The following CEP83 variants were observed in gnomAD, a reference collection of about 807,000 sequenced individuals.
CEP83 encodes centrosomal protein of 83 kDa.
Under a neutral mutation model 101.9 loss-of-function variants are expected in CEP83, and 70 were observed. The observed-to-expected ratio is 0.69, with a 90% CI of 0.57 to 0.84. The LOEUF (loss-of-function observed/expected upper bound fraction) is 0.84. Ranked by LOEUF, CEP83 falls within the 40% of genes least tolerant of loss-of-function variation. CEP83 has a pLI of 0.00. For synonymous variants in CEP83, 264 were observed against 267.9 expected, an observed-to-expected ratio of 0.99 and a Z score of 0.14; for missense variants, 715 against 787.2, an observed-to-expected ratio of 0.91 and a Z score of 1.10.
intron 2 of CEP83, among the ~76,000 whole-genome samples, chr12:94,427,456 A>G (rs925967437): frequency 1.3e-5 from 2 of 152,212 alleles, no homozygotes; most frequent in African/African-American, 4.8e-5. Flanking sequence ...TTACAAATAC[A>G]TAATCACATC....
chr12:94,452,585 A>G (rs2067338841), intron 1 of CEP83, among the ~76,000 whole-genome samples: 1 of 152,178 alleles, frequency 6.6e-6, no homozygotes. Flanking sequence ...TAAAAAAGAA[A>G]AAGAAAAAAG....
At chr12:94,401,484 C>T (rs927145039) in intron 5 of CEP83, among the ~76,000 whole-genome samples, 5 of 152,208 alleles carry the variant, frequency 3.3e-5, no homozygotes, top group Admixed American at 6.5e-5. Flanking sequence ...AGCATCATCT[C>T]TACTGACTAA....
chr12:94,300,882 GAA>G, the CEP83 span: 8 of 1,593,760 alleles, frequency 5.0e-6, no homozygotes, highest in South Asian at 1.1e-5. Flanking sequence ...GGCCCTATTT[GAA>G]AAGAGATTAT....
intron 6 of CEP83, among the ~76,000 whole-genome samples, chr12:94,395,186 G>C (rs1431459113): frequency 6.6e-6 from 1 of 151,972 alleles, no homozygotes; most frequent in African/African-American, 2.4e-5. Flanking sequence ...GGCCTGTCAG[G>C]GGGTGGGGGC....
chr12:94,446,052 GT>G (rs1326848293), intron 1 of CEP83, among the ~76,000 whole-genome samples: 1 of 152,224 alleles, frequency 6.6e-6, no homozygotes, highest in Non-Finnish European at 1.5e-5. Flanking sequence ...TGCCATATTT[GT>G]GATTATTTTT....
At chr12:94,337,712 T>C (rs968535573) in intron 11 of CEP83, among the ~76,000 whole-genome samples, 8 of 151,992 alleles carry the variant, frequency 5.3e-5, no homozygotes, top group Admixed American at 4.6e-4. Flanking sequence ...AGAGATGCAA[T>C]TTGAACTAGA....
chr12:94,437,215 G>A (rs112434894), intron 1 of CEP83, among the ~76,000 whole-genome samples: 16 of 151,798 alleles, frequency 1.1e-4, no homozygotes, highest in Non-Finnish European at 2.1e-4. Flanking sequence ...GCATGGTGGT[G>A]TGGGCCTGTA....
intron 1 of CEP83, among the ~76,000 whole-genome samples, chr12:94,449,821 T>C (rs1263528600): frequency 7.3e-6 from 1 of 137,018 alleles, no homozygotes; most frequent in African/African-American, 2.7e-5. Context: ...TTTTACAGCA[T>C]GACCAAGTGT....
chr12:94,387,830 G>T (rs2062242420), intron 6 of CEP83, among the ~76,000 whole-genome samples: 1 of 151,890 alleles, frequency 6.6e-6, no homozygotes, highest in East Asian at 1.9e-4. Flanking sequence ...TGAAAAAAAT[G>T]CTTAACATCA....
the CEP83 span, among the ~76,000 whole-genome samples, chr12:94,275,572 G>GAGCACTAAGTGTTAGCAGCATGAAAAAT: frequency 4.9e-5 from 7 of 143,866 alleles, no homozygotes; most frequent in Admixed American, 1.4e-4. Flanking sequence ...ACTGCTGTTT[G>GAGCACTAAGTGTTAGCAGCATGAAAAAT]GCCGGGCGCG....
chr12:94,358,958 G>C (rs999887502), intron 11 of CEP83, among the ~76,000 whole-genome samples: 1 of 152,226 alleles, frequency 6.6e-6, no homozygotes, highest in Non-Finnish European at 1.5e-5. Flanking sequence ...ATGAGGACAA[G>C]GAATACCTGG....
rs761860782 is a variant in CEP83, at chr12:94,379,018, CTTT to C, written c.571_573del (p.Lys191del). Reference sequence around the variant, plus strand: ...TTAAGCAGCTGGTTACGTAGTTCTTCTTTATCTTCCTCCAGTCTTGCAATCTAA... The same window carrying C: ...TTAAGCAGCTGGTTACGTAGTTCTTCATCTTCCTCCAGTCTTGCAATCTAA... On this transcript the variant is annotated inframe_deletion, in exon 7 of 17. Coordinates refer to ENST00000397809, the MANE Select transcript of CEP83 (RefSeq NM_016122.3). 3.7e-6 allele frequency: 6 copies of C among 1,609,988 alleles called. No individual in the cohort carries two copies. Among genetic ancestry groups the C allele is most frequent in the Admixed American group, 1.7e-5 (1 of 59,674 alleles).
Position 94,424,769 on chromosome 12 carries a change from G to A in CEP83, c.-102+10506C>T, listed in dbSNP as rs1278757308. ...CAGCTTGACAAGATCTTGGTCAGTA[G>A]TGCCTGGTTGCAATCCTCGGATGTA... On this transcript the variant is annotated intron_variant, in intron 2 of 16. Transcript: ENST00000397809. 13 of 1,611,500 alleles carry A rather than the reference G, an allele frequency of 8.1e-6. No homozygotes were observed. In the Admixed American group the frequency reaches 1.3e-4, roughly 17 times the overall value.
At chr12:94,286,846 CTCG>C in the CEP83 span, among the ~76,000 whole-genome samples, 1 of 152,042 alleles carries the variant, frequency 6.6e-6, no homozygotes, top group Non-Finnish European at 1.5e-5. Flanking sequence ...TGTAGCTGGT[CTCG>C]TCTGAATGAT....
At chr12:94,390,870 G>T (rs904299422) in intron 6 of CEP83, among the ~76,000 whole-genome samples, 1 of 151,988 alleles carries the variant, frequency 6.6e-6, no homozygotes, top group Non-Finnish European at 1.5e-5. Flanking sequence ...TGGAAGAAAG[G>T]GCATCAGTGA....
intron 14 of CEP83, among the ~76,000 whole-genome samples, chr12:94,314,765 G>C (rs953558922): frequency 1.3e-5 from 2 of 152,116 alleles, no homozygotes; most frequent in Non-Finnish European, 2.9e-5. Flanking sequence ...CACTCTTCTG[G>C]TTTTTATCAC....
At chr12:94,417,910 T>C (rs565151077) in intron 2 of CEP83, among the ~76,000 whole-genome samples, 14 of 152,210 alleles carry the variant, frequency 9.2e-5, no homozygotes, top group Non-Finnish European at 2.1e-4. Context: ...ATGACAGGAA[T>C]GTTATGGTTA....
chr12:94,426,343 T>C (rs1246543070), intron 2 of CEP83, among the ~76,000 whole-genome samples: 2 of 152,168 alleles, frequency 1.3e-5, no homozygotes, highest in Non-Finnish European at 2.9e-5. Context: ...CTCCATGAAG[T>C]AAAGACCCTC....
Position 94,335,663 on chromosome 12 carries a change from A to C in CEP83, c.1345T>G (p.Leu449Val). 2 of 1,574,912 alleles carry C rather than the reference A, an allele frequency of 1.3e-6. No individual in the cohort carries two copies. The highest frequency in any genetic ancestry group is 2.7e-5 in the African/African-American group (2 of 73,172). ...GTCACAATTTGTTGCTGAAGTTTTAACCTAAAAATCACAACCCAACAAAAG... is the reference window on the plus strand; with the variant it reads ...GTCACAATTTGTTGCTGAAGTTTTACCCTAAAAATCACAACCCAACAAAAG... ...ITRKELQSVR[L>V]KLQQQIVTIE... The change falls in exon 12 of 17, where the codon TTA becomes GTA. Residue 449 changes from leucine (L) to valine (V), a missense_variant and splice_region_variant. Physicochemically the swap from Leu to Val is conservative, Grantham distance 32. Transcript: ENST00000397809.
Sources: allele counts gnomAD v4.1 joint callset (sites outside exome capture counted in the v4.1 genomes callset), GRCh38; gene constraint gnomAD v4.1.1; transcripts MANE v1.5; gene names NCBI Gene and HGNC (gene_info 2026-07-23, HGNC 2026-07-21).